The following COLGALT2 variants were observed in gnomAD, a reference collection of about 807,000 sequenced individuals.
COLGALT2 encodes collagen beta(1-O)galactosyltransferase 2.
Under a neutral mutation model 73.4 loss-of-function variants are expected in COLGALT2, and 49 were observed. That is an observed-to-expected ratio of 0.67 (90% CI 0.53 to 0.85). The LOEUF is 0.85. COLGALT2 is among the 40% of genes least tolerant of loss of function. The pLI is 0.00. For missense variants in COLGALT2, 722 were observed against 790.2 expected, an observed-to-expected ratio of 0.91 and a Z score of 1.03; for synonymous variants, 295 against 307.6, an observed-to-expected ratio of 0.96 and a Z score of 0.43.
chr1:183,958,071 A>G (rs996097163), intron 6 of COLGALT2, among the ~76,000 whole-genome samples: 3 of 152,140 alleles, frequency 2.0e-5, no homozygotes, highest in African/African-American at 7.2e-5. Flanking sequence ...GCCTCCTGTC[A>G]TTCATCTCCC....
chr1:183,974,976 G>A (rs970073823), intron 3 of COLGALT2, 121 bp downstream of exon 3: 4 of 664,576 alleles, frequency 6.0e-6, no homozygotes, highest in African/African-American at 1.8e-5. Flanking sequence ...CTTAAAAAGT[G>A]GGGGAGGCAC....
At chr1:183,983,213 A>G (rs937671494) in intron 1 of COLGALT2, among the ~76,000 whole-genome samples, 1 of 152,192 alleles carries the variant, frequency 6.6e-6, no homozygotes, top group Non-Finnish European at 1.5e-5. Flanking sequence ...AGAGAGGTGC[A>G]TGAATCCTGG....
chr1:183,980,538 T>C (rs1380132646), intron 1 of COLGALT2, among the ~76,000 whole-genome samples: 1 of 152,098 alleles, frequency 6.6e-6, no homozygotes, highest in East Asian at 1.9e-4. Flanking sequence ...GATATAAAGC[T>C]TAAATGAATA....
chr1:183,930,381 T>G (rs569939526), intron 11 of COLGALT2: 19 of 425,530 alleles, frequency 4.5e-5, no homozygotes, highest in Non-Finnish European at 8.4e-5. Flanking sequence ...GAACTAGCCT[T>G]GATCTTATTT....
rs11801309 is a variant in COLGALT2, at chr1:183,937,802, T to C, written c.*959A>G. 3.0e-3 allele frequency: 2,908 copies of C among 985,404 alleles called. 82 individuals are homozygous for C. In the African/African-American group the frequency reaches 0.048, roughly 16 times the overall value. 61.0% of individuals were successfully genotyped at this position (985,404 alleles called of 1,614,324 possible). On this transcript the variant is annotated 3_prime_UTR_variant, in exon 12 of 12. Transcript: ENST00000361927. The stretch of plus-strand genomic sequence containing the variant: ...TATAATGAAAAAACTCTGGCAAGGA[T>C]AGTTGCTGGCCTGAAAATGTGCTCT...
At chr1:183,942,149 C>T (rs1037877595) in intron 10 of COLGALT2, among the ~76,000 whole-genome samples, 1 of 151,908 alleles carries the variant, frequency 6.6e-6, no homozygotes, top group Non-Finnish European at 1.5e-5. Flanking sequence ...GTGGTTTCAC[C>T]GTGTTAGCCA....
rs1218583634 is a variant in COLGALT2, at chr1:183,937,373, G to T, written c.*1388C>A. The stretch of plus-strand genomic sequence containing the variant: ...ATGATCTATACTAGGATGACAGATT[G>T]TGGAGTGGGAAGAAATCGTGTAGTC... On this transcript the variant is annotated 3_prime_UTR_variant, in exon 12 of 12. Coordinates refer to ENST00000361927, the MANE Select transcript of COLGALT2 (RefSeq NM_015101.4). The T allele has an allele frequency of 1.0e-6, 1 of 1,003,688 alleles. No homozygotes were observed. Among genetic ancestry groups the T allele is most frequent in the Non-Finnish European group, 1.2e-6 (1 of 842,390 alleles). The allele number at this position is 1,003,688 out of a possible 1,614,324, so 62.2% of individuals were successfully genotyped here.
Position 184,037,668 on chromosome 1 carries a change from T to G in COLGALT2, c.-311A>C, listed in dbSNP as rs1649740627. On this transcript the variant is annotated 5_prime_UTR_variant, in exon 1 of 12. Coordinates refer to ENST00000361927, the MANE Select transcript of COLGALT2 (RefSeq NM_015101.4). ...TGCCCTGAGTCCTGAGGAAAGTTCC[T>G]CTAGTCCAGGTTCCGCTCGTACAGC... 9.8e-7 allele frequency: 1 copy of G among 1,024,046 alleles called. No homozygotes were observed. Among genetic ancestry groups the G allele is most frequent in the Non-Finnish European group, 1.2e-6 (1 of 855,412 alleles). The allele number at this position is 1,024,046 out of a possible 1,614,324, so 63.4% of individuals were successfully genotyped here.
At chr1:183,959,729 C>G (rs1032957081) in intron 6 of COLGALT2, among the ~76,000 whole-genome samples, 1 of 152,076 alleles carries the variant, frequency 6.6e-6, no homozygotes, top group African/African-American at 2.4e-5. Flanking sequence ...TCTGCCCCAC[C>G]CCATCTTCCA....
intron 7 of COLGALT2, among the ~76,000 whole-genome samples, chr1:183,953,084 A>C (rs888336989): frequency 6.6e-6 from 1 of 152,214 alleles, no homozygotes; most frequent in Non-Finnish European, 1.5e-5. Flanking sequence ...TCAGTAAATA[A>C]CAATCCAGTT....
chr1:183,963,882 C>T lies in COLGALT2; in HGVS notation c.952+19G>A. 1 of 1,572,816 alleles carries T rather than the reference C, an allele frequency of 6.4e-7. No individual in the cohort carries two copies. Among genetic ancestry groups the T allele is most frequent in the South Asian group, 1.2e-5 (1 of 84,650 alleles). ...GGCAATGGAACGAGAGCCATCCCCT[C>T]TGCTCCTGGGTCACTCACTCATTGC... On this transcript the variant is annotated intron_variant, in intron 6 of 11. Coordinates refer to ENST00000361927, the MANE Select transcript of COLGALT2 (RefSeq NM_015101.4).
At chr1:183,930,762 A>G (rs1271433328) in intron 11 of COLGALT2, among the ~76,000 whole-genome samples, 6 of 151,722 alleles carry the variant, frequency 4.0e-5, no homozygotes, top group African/African-American at 1.2e-4. Flanking sequence ...TCACTCACCA[A>G]CAATTTATTT....
chr1:183,997,823 T>C (rs867657460), intron 1 of COLGALT2, among the ~76,000 whole-genome samples: 1 of 152,264 alleles, frequency 6.6e-6, no homozygotes, highest in Non-Finnish European at 1.5e-5. Context: ...CTTACACATG[T>C]TGATACTTTT....
At chr1:184,037,052 C>T in intron 1 of COLGALT2, 43 bp downstream of exon 1, 14 of 1,405,586 alleles carry the variant, frequency 1.0e-5, no homozygotes, top group Non-Finnish European at 1.3e-5. Context: ...GGCAGGCCGC[C>T]CCCGCGTCCC....
intron 9 of COLGALT2, among the ~76,000 whole-genome samples, chr1:183,945,151 T>TA (rs1558309579): frequency 6.6e-6 from 1 of 152,230 alleles, no homozygotes; most frequent in Non-Finnish European, 1.5e-5. Context: ...ATAGGTATAA[T>TA]AGAAGGCATT....
intron 8 of COLGALT2, among the ~76,000 whole-genome samples, chr1:183,948,050 A>G (rs1670296792): frequency 6.6e-6 from 1 of 152,132 alleles, no homozygotes; most frequent in South Asian, 2.1e-4. Flanking sequence ...AAGAAGAAAT[A>G]GAAAGTAAAT....
At chr1:183,954,981 G>A in intron 6 of COLGALT2, 143 bp from the exon 7 acceptor site, 1 of 668,076 alleles carries the variant, frequency 1.5e-6, no homozygotes, top group Admixed American at 2.2e-5. Flanking sequence ...CTCCAGGATT[G>A]AGTAGCCACA....
intron 1 of COLGALT2, among the ~76,000 whole-genome samples, chr1:184,029,650 G>A (rs1056464364): frequency 6.6e-6 from 1 of 152,196 alleles, no homozygotes; most frequent in Non-Finnish European, 1.5e-5. Flanking sequence ...AAGTTACCAA[G>A]TTATACATTT....
At chr1:183,973,546 G>A in intron 4 of COLGALT2, 70 bp downstream of exon 4, 40 of 1,573,016 alleles carry the variant, frequency 2.5e-5, no homozygotes, top group Non-Finnish European at 3.5e-5. Context: ...AAAGGTGAAT[G>A]GGACTACTGT....
Sources: gnomAD v4.1 joint callset for allele counts (sites outside exome capture counted in the v4.1 genomes callset) on GRCh38, gnomAD v4.1.1 for gene constraint, MANE v1.5 for transcripts, NCBI Gene and HGNC (gene_info 2026-07-23, HGNC 2026-07-21) for gene names.